Variants in KIF26B observed in about 807,000 individuals in gnomAD.
KIF26B encodes kinesin family member 26B, also known as kinesin-like protein KIF26B.
A neutral mutation model predicts 151.2 loss-of-function variants in KIF26B; 63 were observed. The observed-to-expected ratio is 0.42, with a 90% CI of 0.34 to 0.51. The LOEUF (loss-of-function observed/expected upper bound fraction) is 0.51. Among genes scored for constraint, KIF26B ranks in the 20% least tolerant of loss-of-function variants. The pLI, the probability that KIF26B is intolerant of heterozygous loss-of-function variation, is 0.07. For missense variants in KIF26B, 2,813 were observed against 2,913.6 expected (o/e 0.97, Z 0.79); for synonymous variants, 1,357 against 1,262.1 (o/e 1.08, Z -1.59).
chr1:245,681,348 T>G (rs1044477147), intron 10 of KIF26B, among the ~76,000 whole-genome samples: 1 of 152,066 alleles, frequency 6.6e-6, no homozygotes, highest in African/African-American at 2.4e-5. Context: ...TAGCTGGGAA[T>G]ACAGGTGCCC....
intron 2 of KIF26B, among the ~76,000 whole-genome samples, chr1:245,315,721 AAAAAAG>A (rs1360867234): frequency 1.3e-5 from 2 of 151,684 alleles, no homozygotes; most frequent in Non-Finnish European, 2.9e-5. Flanking sequence ...AAAAAAAAAA[AAAAAAG>A]AAAAAGAAAA....
chr1:245,534,378 G>T (rs1173973297), intron 4 of KIF26B, among the ~76,000 whole-genome samples: 1 of 152,084 alleles, frequency 6.6e-6, no homozygotes, highest in Admixed American at 6.5e-5. Flanking sequence ...AGCCAGGCTG[G>T]TCTTGAACTC....
At chr1:245,506,964 G>A (rs181310136) in intron 4 of KIF26B, among the ~76,000 whole-genome samples, 42 of 152,340 alleles carry the variant, frequency 2.8e-4, no homozygotes, top group African/African-American at 9.6e-4. Flanking sequence ...ACAGGCGTGA[G>A]CCACGGTGCC....
intron 2 of KIF26B, among the ~76,000 whole-genome samples, chr1:245,273,194 A>G (rs1488065001): frequency 6.6e-6 from 1 of 152,070 alleles, no homozygotes; most frequent in East Asian, 1.9e-4. Context: ...TGGGCGGATC[A>G]CTTGAGGTCA....
At chr1:245,320,548 GA>G (rs1173884576) in intron 2 of KIF26B, among the ~76,000 whole-genome samples, 2 of 152,320 alleles carry the variant, frequency 1.3e-5, no homozygotes, top group South Asian at 2.1e-4. Context: ...TTTGACAAAT[GA>G]ATAAAGACCC....
At chr1:245,598,556 C>T (rs563667857) in intron 5 of KIF26B, among the ~76,000 whole-genome samples, 17 of 152,222 alleles carry the variant, frequency 1.1e-4, no homozygotes, top group African/African-American at 3.1e-4. Context: ...GTAGTGGTCA[C>T]GGTGAGAGAT....
intron 2 of KIF26B, among the ~76,000 whole-genome samples, chr1:245,327,764 T>A (rs1672020828): frequency 6.6e-6 from 1 of 152,202 alleles, no homozygotes; most frequent in African/African-American, 2.4e-5. Context: ...CACATGGACA[T>A]ATTTTTAGCT....
At chr1:245,396,139 A>G (rs1345576785) in intron 3 of KIF26B, among the ~76,000 whole-genome samples, 1 of 152,148 alleles carries the variant, frequency 6.6e-6, no homozygotes, top group Non-Finnish European at 1.5e-5. Flanking sequence ...TTTTGTTTAT[A>G]TGGTTTCCAA....
chr1:245,403,950 A>G (rs1033773976), intron 3 of KIF26B, among the ~76,000 whole-genome samples: 4 of 152,202 alleles, frequency 2.6e-5, no homozygotes, highest in Non-Finnish European at 4.4e-5. Flanking sequence ...CAAAAATTGT[A>G]GTTTGGGGCC....
chr1:245,465,316 G>T (rs1252410580), intron 4 of KIF26B, among the ~76,000 whole-genome samples: 1 of 152,086 alleles, frequency 6.6e-6, no homozygotes, highest in Non-Finnish European at 1.5e-5. Flanking sequence ...CTGTGGGTGG[G>T]GACTGTTCCC....
Position 245,540,855 on chromosome 1 carries a change from A to G in KIF26B, c.1255A>G (p.Ser419Gly). The G allele has an allele frequency of 6.2e-7, 1 of 1,613,882 alleles. No homozygotes were observed. Residue 419 changes from serine (S) to glycine (G), a missense_variant, in exon 5 of 15, where the codon AGC becomes GGC. Physicochemically the swap from Ser to Gly is moderately conservative, Grantham distance 56. Coordinates refer to ENST00000407071, the MANE Select transcript of KIF26B (RefSeq NM_018012.4). The surrounding 1 kb of genome is among the most constrained non-coding windows in gnomAD (Gnocchi z 4.6). ...SAAEPPLFAT[S>G]FSGILQTSPP... ...TGCCGAACCACCGCTCTTTGCAACC[A>G]GCTTCAGTGGGATTCTGCAGACCTC...
In KIF26B at chr1:245,204,927, C is replaced by A. The variant is rs530406255; in HGVS notation, c.465+48244C>A. 9.2e-5 allele frequency among the ~76,000 whole-genome samples: 14 copies of A among 152,104 alleles called. No individual in the cohort carries two copies. The East Asian group carries it at 2.5e-3, about 27-fold the overall frequency. ...TCCCAAGTAGCTGGGACCTCAGATG[C>A]ACACCACCATTCCTGGCTAATTTTT... On this transcript the variant is annotated intron_variant, in intron 2 of 14. Transcript: ENST00000407071.
At chr1:245,276,759 G>T (rs1670945632) in intron 2 of KIF26B, among the ~76,000 whole-genome samples, 1 of 152,132 alleles carries the variant, frequency 6.6e-6, no homozygotes, top group South Asian at 2.1e-4. Context: ...CCTCTTAACT[G>T]GTTTCCGTAT....
intron 2 of KIF26B, among the ~76,000 whole-genome samples, chr1:245,196,286 C>T (rs1669192885): frequency 6.6e-6 from 1 of 152,154 alleles, no homozygotes. Flanking sequence ...GATGACAGCC[C>T]CTGTCTCTAA....
At chr1:245,695,815 T>A (rs2044685902) in intron 12 of KIF26B, among the ~76,000 whole-genome samples, 2 of 82,662 alleles carry the variant, frequency 2.4e-5, no homozygotes, top group Non-Finnish European at 3.7e-5. Flanking sequence ...TCTCCAGGTG[T>A]TTTTACCTTC....
At chr1:245,666,227 C>T (rs889607225) in intron 10 of KIF26B, among the ~76,000 whole-genome samples, 1 of 152,068 alleles carries the variant, frequency 6.6e-6, no homozygotes, top group Non-Finnish European at 1.5e-5. Context: ...GTCTTGAACT[C>T]CTGACATTAT....
intron 4 of KIF26B, among the ~76,000 whole-genome samples, chr1:245,482,672 C>A (rs986640225): frequency 6.6e-6 from 1 of 151,768 alleles, no homozygotes; most frequent in Non-Finnish European, 1.5e-5. Context: ...ATGGAGGACT[C>A]ACCTCACTGA....
chr1:245,638,060 A>G (rs2043853368), intron 9 of KIF26B, among the ~76,000 whole-genome samples: 1 of 152,004 alleles, frequency 6.6e-6, no homozygotes, highest in African/African-American at 2.4e-5. Flanking sequence ...GTATTTTGAT[A>G]GGGATTGCAG....
chr1:245,390,921 CAA>C (rs796799193), intron 3 of KIF26B, among the ~76,000 whole-genome samples: 1 of 13,446 alleles, frequency 7.4e-5, no homozygotes, highest in African/African-American at 4.5e-4. Flanking sequence ...GACCCTGTCT[CAA>C]AAAAAAAAAA....
Sources: gnomAD v4.1 joint callset for allele counts (sites outside exome capture counted in the v4.1 genomes callset) on GRCh38, gnomAD v4.1.1 for gene constraint, Gnocchi (gnomAD v3.1) non-coding constraint, MANE v1.5 for transcripts, NCBI Gene and HGNC (gene_info 2026-07-23, HGNC 2026-07-21) for gene names.